Variants in SH3RF1 observed in about 807,000 individuals in gnomAD.
The protein encoded by SH3RF1 is E3 ubiquitin-protein ligase SH3RF1.
In SH3RF1, 32 loss-of-function variants were observed where a neutral mutation model predicts 74.0. The ratio of observed to expected loss-of-function variants is 0.43; its 90% CI spans 0.33 to 0.58. The LOEUF (loss-of-function observed/expected upper bound fraction) is 0.58, where lower values mean the gene tolerates loss of function less well. Ranked by LOEUF, SH3RF1 falls within the 20% of genes least tolerant of loss-of-function variation. The probability of loss-of-function intolerance (pLI) is 0.05; values close to 1 mark genes in which losing one functional copy is unlikely to be tolerated. For synonymous variants in SH3RF1, 396 were observed against 439.6 expected, an observed-to-expected ratio of 0.90 and a Z score of 1.24; for missense variants, 954 against 1,130.9, an observed-to-expected ratio of 0.84 and a Z score of 2.24.
intron 2 of SH3RF1, among the ~76,000 whole-genome samples, chr4:169,169,432 A>G (rs1448681202): frequency 6.6e-6 from 1 of 152,070 alleles, no homozygotes; most frequent in African/African-American, 2.4e-5. Context: ...CCCTGTCTCT[A>G]CTAAAAATTA....
chr4:169,115,302 C>T (rs569998784), intron 10 of SH3RF1, among the ~76,000 whole-genome samples: 22 of 152,272 alleles, frequency 1.4e-4, no homozygotes, highest in African/African-American at 5.1e-4. Flanking sequence ...GGAACCAGGC[C>T]GCACAGCAGG....
intron 2 of SH3RF1, among the ~76,000 whole-genome samples, chr4:169,254,462 T>C (rs1731151860): frequency 6.6e-6 from 1 of 152,202 alleles, no homozygotes; most frequent in Non-Finnish European, 1.5e-5. Flanking sequence ...CAAATATGTA[T>C]TAAAGCAATT....
chr4:169,147,745 T>C (rs1050106387), intron 4 of SH3RF1, among the ~76,000 whole-genome samples: 3 of 152,210 alleles, frequency 2.0e-5, no homozygotes, highest in African/African-American at 4.8e-5. Context: ...CTGTTCCCCA[T>C]TGATGTAATA....
At chr4:169,167,742 A>G (rs1183289704) in intron 2 of SH3RF1, among the ~76,000 whole-genome samples, 1 of 152,122 alleles carries the variant, frequency 6.6e-6, no homozygotes. Flanking sequence ...TGTGAGGGAA[A>G]TTTCTGAGAC....
At chr4:169,115,475 T>C (rs1200367017) in intron 10 of SH3RF1, among the ~76,000 whole-genome samples, 1 of 152,082 alleles carries the variant, frequency 6.6e-6, no homozygotes, top group Non-Finnish European at 1.5e-5. Context: ...GGGATGTAGG[T>C]TGCACACTCC....
chr4:169,225,825 G>A (rs903429086), intron 2 of SH3RF1, among the ~76,000 whole-genome samples: 1 of 152,260 alleles, frequency 6.6e-6, no homozygotes, highest in Non-Finnish European at 1.5e-5. Context: ...GCAGAATCCA[G>A]TGGAGAGATT....
chr4:169,234,399 G>A (rs917045491), intron 2 of SH3RF1, among the ~76,000 whole-genome samples: 24 of 152,200 alleles, frequency 1.6e-4, no homozygotes, highest in African/African-American at 5.1e-4. Flanking sequence ...GATCTCAGAC[G>A]AAATACCATG....
rs1032196350 is a variant in SH3RF1 at position 169,164,644 on chromosome 4, G to A, written c.394-7965C>T. 3.3e-5 allele frequency among the ~76,000 whole-genome samples: 5 copies of A among 152,192 alleles called. No individual in the cohort carries two copies. In the South Asian group the frequency reaches 1.0e-3, roughly 31 times the overall value. On this transcript the variant is annotated intron_variant, in intron 2 of 11. Transcript: ENST00000284637. ...AGAAAAACCTGGGGAAACATGAGCA[G>A]GCACTGCAAATTGGTATCAACTTCA...
At chr4:169,199,301 C>T (rs933181069) in intron 2 of SH3RF1, among the ~76,000 whole-genome samples, 4 of 152,240 alleles carry the variant, frequency 2.6e-5, no homozygotes, top group East Asian at 1.9e-4. Flanking sequence ...TGTTACAAAC[C>T]CCCAGATTTC....
intron 4 of SH3RF1, among the ~76,000 whole-genome samples, chr4:169,149,736 TA>T (rs2126961503): frequency 1.3e-5 from 2 of 152,294 alleles, no homozygotes; most frequent in South Asian, 4.1e-4. Context: ...AGGAAAATAA[TA>T]CATCTAAAGG....
chr4:169,156,263 C>G, intron 3 of SH3RF1, 141 bp downstream of exon 3: 1 of 896,138 alleles, frequency 1.1e-6, no homozygotes, highest in Non-Finnish European at 1.6e-6. Flanking sequence ...AAGACTGCTT[C>G]TAGGCATTTT....
Position 169,107,051 on chromosome 4 carries a change from C to A in SH3RF1, c.2294G>T (p.Gly765Val). 2 of 1,613,976 alleles carry A rather than the reference C, an allele frequency of 1.2e-6. No individual in the cohort carries two copies. The highest frequency in any genetic ancestry group is 1.7e-6 in the Non-Finnish European group (2 of 1,179,952). Reference protein sequence around the residue: ...GAVGPELPPGGGHGRAGSCPV... With the variant: ...GAVGPELPPGVGHGRAGSCPV... ...GCAGGAGCCTGCCCTGCCATGGCCA[C>A]CTCCTGGTGGCAGTTCGGGCCCCAC... The change falls in exon 11 of 12, where the codon GGT becomes GTT. Residue 765 changes from glycine to valine, a missense_variant. Physicochemically the swap from Gly to Val is moderately radical, Grantham distance 109 (BLOSUM62 -3). Transcript: ENST00000284637.
chr4:169,209,116 C>T (rs1239762348), intron 2 of SH3RF1, among the ~76,000 whole-genome samples: 1 of 151,902 alleles, frequency 6.6e-6, no homozygotes, highest in Non-Finnish European at 1.5e-5. Context: ...TGGTGAAACC[C>T]CATCTCTACT....
Position 169,260,072 on chromosome 4 carries a change from G to C in SH3RF1, c.393+8748C>G, listed in dbSNP as rs142790863. Among the ~76,000 whole-genome samples the C allele has an allele frequency of 8.8e-3, 1,344 of 152,290 alleles. 23 individuals are homozygous for C. The highest frequency in any genetic ancestry group is 0.028 in the African/African-American group (1,165 of 41,546). ...GTCTGACCAGAGTGGAAAAAAGCAG[G>C]CATTCTTCCCAATAGAGTGAGTTAA... On this transcript the variant is annotated intron_variant, in intron 2 of 11. Transcript: ENST00000284637.
At chr4:169,195,035 G>T (rs983467175) in intron 2 of SH3RF1, among the ~76,000 whole-genome samples, 22 of 152,084 alleles carry the variant, frequency 1.4e-4, no homozygotes, top group Non-Finnish European at 2.9e-5. Flanking sequence ...TTGCATTTTT[G>T]ATCTTTCATC....
chr4:169,260,963 G>C (rs373981246), intron 2 of SH3RF1, among the ~76,000 whole-genome samples: 11 of 152,164 alleles, frequency 7.2e-5, no homozygotes, highest in African/African-American at 2.7e-4. Flanking sequence ...AGGATCCCTA[G>C]AGAGGTTGGT....
At chr4:169,158,965 G>C (rs1304763396) in intron 2 of SH3RF1, among the ~76,000 whole-genome samples, 1 of 152,138 alleles carries the variant, frequency 6.6e-6, no homozygotes, top group Non-Finnish European at 1.5e-5. Flanking sequence ...TGTTGTAGTT[G>C]GTTAATTAGA....
chr4:169,241,847 T>C (rs1039044724), intron 2 of SH3RF1, among the ~76,000 whole-genome samples: 1 of 152,086 alleles, frequency 6.6e-6, no homozygotes, highest in Non-Finnish European at 1.5e-5. Context: ...CCTTGAGATT[T>C]CCCTCTTCTC....
chr4:169,239,545 G>C (rs1730872242), intron 2 of SH3RF1, among the ~76,000 whole-genome samples: 1 of 152,128 alleles, frequency 6.6e-6, no homozygotes, highest in African/African-American at 2.4e-5. Context: ...GTTAACTTCT[G>C]AAGAAATAAA....
Sources: gnomAD v4.1 joint callset for allele counts (sites outside exome capture counted in the v4.1 genomes callset) on GRCh38, gnomAD v4.1.1 for gene constraint, MANE v1.5 for transcripts, NCBI Gene and HGNC (gene_info 2026-07-23, HGNC 2026-07-21) for gene names.